Variants in MYT1L observed in about 807,000 individuals in gnomAD.
The protein encoded by MYT1L is myelin transcription factor 1 like.
Under a neutral mutation model 126.7 loss-of-function variants are expected in MYT1L, and 12 were observed. The ratio of observed to expected loss-of-function variants is 0.09; its 90% confidence interval spans 0.06 to 0.15. The LOEUF (loss-of-function observed/expected upper bound fraction) is 0.15. Ranked by LOEUF, MYT1L falls within the 10% of genes least tolerant of loss-of-function variation. The pLI, the probability that MYT1L is intolerant of heterozygous loss-of-function variation, is 1.00. For synonymous variants in MYT1L, 541 were observed against 604.2 expected, an observed-to-expected ratio of 0.90 and a Z score of 1.53; for missense variants, 979 against 1,585.2, an observed-to-expected ratio of 0.62 and a Z score of 6.49.
chr2:2,084,478 T>G (rs865813919), intron 3 of MYT1L, among the ~76,000 whole-genome samples: 1 of 152,162 alleles, frequency 6.6e-6, no homozygotes, highest in Non-Finnish European at 1.5e-5. Context: ...CACTGCCCCT[T>G]GTGTTTGCTT....
intron 2 of MYT1L, among the ~76,000 whole-genome samples, chr2:2,282,207 A>G (rs562405467): frequency 1.3e-5 from 2 of 152,336 alleles, no homozygotes; most frequent in African/African-American, 2.4e-5. Flanking sequence ...TATCATTTAC[A>G]TATCACCACT....
chr2:2,027,794 G>T (rs1351297963), intron 4 of MYT1L, among the ~76,000 whole-genome samples: 2 of 142,252 alleles, frequency 1.4e-5, no homozygotes, highest in Non-Finnish European at 3.0e-5. Context: ...AAGGGAGGAA[G>T]GTCAGACCAG....
chr2:2,240,294 T>C (rs190774876), intron 2 of MYT1L, among the ~76,000 whole-genome samples: 173 of 149,314 alleles, frequency 1.2e-3, no homozygotes, highest in African/African-American at 4.3e-3. Context: ...ACTCCGTCTC[T>C]AAATAAATAA....
intron 4 of MYT1L, among the ~76,000 whole-genome samples, chr2:2,004,671 GTGCCTTCTTTCCTGCGT>G (rs1328943301): frequency 1.0e-5 from 1 of 100,164 alleles, no homozygotes; most frequent in Non-Finnish European, 2.0e-5. Context: ...TCTTTCCTGC[GTGCCTTCTTTCCTGCGT>G]GCATTCTTTC....
At chr2:1,918,813 G>T (rs1007494168) in intron 10 of MYT1L, among the ~76,000 whole-genome samples, 2 of 152,162 alleles carry the variant, frequency 1.3e-5, no homozygotes, top group African/African-American at 2.4e-5. Flanking sequence ...AAATTATGTG[G>T]TTGTGGCTTC....
At chr2:1,918,482 A>G (rs756547586) in intron 10 of MYT1L, among the ~76,000 whole-genome samples, 1 of 152,228 alleles carries the variant, frequency 6.6e-6, no homozygotes, top group Non-Finnish European at 1.5e-5. Context: ...GATTGCTAGA[A>G]AATACATGTT....
At chr2:1,980,238 A>G (rs2060502510) in intron 5 of MYT1L, among the ~76,000 whole-genome samples, 1 of 147,762 alleles carries the variant, frequency 6.8e-6, no homozygotes, top group South Asian at 2.1e-4. Context: ...TATATTTTGT[A>G]TATATATACC....
chr2:2,116,423 G>A (rs1011799988), intron 3 of MYT1L, among the ~76,000 whole-genome samples: 2 of 152,204 alleles, frequency 1.3e-5, no homozygotes, highest in East Asian at 1.9e-4. Context: ...CAATCACAGT[G>A]ATGACTTGAA....
chr2:1,861,999 TTCG>T (rs2044742088), intron 18 of MYT1L, among the ~76,000 whole-genome samples: 2 of 5,688 alleles, frequency 3.5e-4, no homozygotes, highest in African/African-American at 8.5e-4. Context: ...AATCCTGGAA[TTCG>T]CTGAGATTTT....
intron 8 of MYT1L, among the ~76,000 whole-genome samples, chr2:1,970,394 G>A (rs569303005): frequency 6.6e-6 from 1 of 152,330 alleles, no homozygotes; most frequent in African/African-American, 2.4e-5. Context: ...CAGCTTAGAT[G>A]GGTGTGGTGA....
intron 4 of MYT1L, among the ~76,000 whole-genome samples, chr2:2,048,814 G>T (rs1325160290): frequency 1.3e-5 from 2 of 152,144 alleles, no homozygotes; most frequent in African/African-American, 2.4e-5. Flanking sequence ...GGAAGGAGAT[G>T]CCATGATTTG....
chr2:2,214,767 A>G (rs754228188), intron 2 of MYT1L, among the ~76,000 whole-genome samples: 1 of 152,214 alleles, frequency 6.6e-6, no homozygotes. Context: ...TGGGATAGTC[A>G]CACGGTAACA....
At chr2:2,167,055 C>A (rs780786408) in intron 3 of MYT1L, among the ~76,000 whole-genome samples, 1 of 152,100 alleles carries the variant, frequency 6.6e-6, no homozygotes, top group Non-Finnish European at 1.5e-5. Flanking sequence ...TCTTTTATGG[C>A]GAGGCAAGTG....
chr2:1,880,721 T>C (rs2047423601), intron 18 of MYT1L, among the ~76,000 whole-genome samples: 1 of 152,162 alleles, frequency 6.6e-6, no homozygotes, highest in African/African-American at 2.4e-5. Flanking sequence ...CACAGGGAGA[T>C]TGACAGTGAT....
At chr2:1,883,916 T>G (rs1401167075) in intron 18 of MYT1L, 1 of 152,194 alleles carries the variant, frequency 6.6e-6, no homozygotes. Context: ...CCAGTTTCAG[T>G]TTACATATTA....
intron 3 of MYT1L, among the ~76,000 whole-genome samples, chr2:2,122,662 C>T (rs1458112697): frequency 6.6e-6 from 1 of 152,116 alleles, no homozygotes; most frequent in Non-Finnish European, 1.5e-5. Context: ...GGGCCATGGG[C>T]AAAATTTACC....
rs549755183 is a variant in MYT1L, at chr2:2,166,598, C to A, written c.-304+6274G>T. ...AAACTGCATGAATAATCCCTTTCTA[C>A]CTAAAACAAAGGGCCAGTGAGGATA... On this transcript the variant is annotated intron_variant, in intron 3 of 24. Coordinates refer to ENST00000647738, the MANE Select transcript of MYT1L (RefSeq NM_001303052.2). Among the ~76,000 whole-genome samples the A allele has an allele frequency of 4.1e-4, 62 of 152,252 alleles. No homozygotes were observed. In the South Asian group the frequency reaches 9.1e-3, roughly 22 times the overall value.
chr2:2,102,766 T>G (rs1199375068), intron 3 of MYT1L, among the ~76,000 whole-genome samples: 1 of 152,060 alleles, frequency 6.6e-6, no homozygotes, highest in Non-Finnish European at 1.5e-5. Flanking sequence ...GGAGCCTGGA[T>G]TTCCTGCATC....
rs138089914 is a variant in MYT1L at position 2,162,663 on chromosome 2, TC to T, written c.-304+10208del. ...CTGCTAATTTCTGGAAGACTCAGAT[TC>T]CGCAGGGCAGGGCCACACACTGAAG... On this transcript the variant is annotated intron_variant, in intron 3 of 24. Transcript: ENST00000647738. Among the ~76,000 whole-genome samples, 5 of 152,328 alleles carry T rather than the reference TC, an allele frequency of 3.3e-5. No homozygotes were observed. The East Asian group carries it at 9.7e-4, about 29-fold the overall frequency.
Sources: gnomAD v4.1 joint callset for allele counts (sites outside exome capture counted in the v4.1 genomes callset) on GRCh38, gnomAD v4.1.1 for gene constraint, MANE v1.5 for transcripts, NCBI Gene and HGNC (gene_info 2026-07-23, HGNC 2026-07-21) for gene names.